STX8: variants seen among roughly 807,000 people sequenced by gnomAD.
STX8 encodes the protein syntaxin 8.
In STX8, 23 loss-of-function variants were observed where a neutral mutation model predicts 37.5. The observed-to-expected ratio is 0.61, with a 90% CI of 0.44 to 0.87. The LOEUF (loss-of-function observed/expected upper bound fraction) is 0.87, where lower values mean the gene tolerates loss of function less well. Among genes scored for constraint, STX8 ranks in the 40% least tolerant of loss-of-function variants. STX8 has a pLI of 0.00. For synonymous variants in STX8, 115 were observed against 99.1 expected (o/e 1.16, Z -0.95); for missense variants, 313 against 284.7 (o/e 1.10, Z -0.71).
intron 6 of STX8, among the ~76,000 whole-genome samples, chr17:9,456,140 T>C (rs1905180061): frequency 4.6e-5 from 7 of 151,194 alleles, no homozygotes; most frequent in South Asian, 4.2e-4. Context: ...ACTAGATGGG[T>C]AGGGGCTGGG....
chr17:9,569,584 C>G (rs1907600263), intron 1 of STX8: 1 of 152,300 alleles, frequency 6.6e-6, no homozygotes, highest in Admixed American at 6.5e-5. Context: ...TTGAAGGGTT[C>G]ACGGTGAACT....
intron 6 of STX8, among the ~76,000 whole-genome samples, chr17:9,484,675 A>AAAAG (rs1381162372): frequency 6.6e-6 from 1 of 150,604 alleles, no homozygotes; most frequent in African/African-American, 2.4e-5. Flanking sequence ...AAAAAAAAAA[A>AAAAG]AATTAGCCGG....
At chr17:9,281,093 C>T (rs1452880324) in intron 7 of STX8, among the ~76,000 whole-genome samples, 4 of 152,012 alleles carry the variant, frequency 2.6e-5, no homozygotes, top group East Asian at 1.9e-4. Flanking sequence ...GGTTCACAGA[C>T]GCAAATCTGC....
chr17:9,360,664 A>AT, intron 7 of STX8, among the ~76,000 whole-genome samples: 1 of 43,592 alleles, frequency 2.3e-5, no homozygotes, highest in Non-Finnish European at 4.9e-5. Flanking sequence ...TATTAGTGTT[A>AT]AAAAAAAAAA....
At chr17:9,302,639 T>G (rs932918607) in intron 7 of STX8, among the ~76,000 whole-genome samples, 4 of 152,136 alleles carry the variant, frequency 2.6e-5, no homozygotes, top group Non-Finnish European at 5.9e-5. Context: ...TTTCCGCTTC[T>G]GAAGTGTAGC....
chr17:9,476,705 G>A (rs1329340515), intron 6 of STX8, among the ~76,000 whole-genome samples: 6 of 151,596 alleles, frequency 4.0e-5, no homozygotes, highest in Non-Finnish European at 7.4e-5. Context: ...CGCCTGCCTC[G>A]GCCTCCCAAA....
At chr17:9,368,158 A>C (rs1911288943) in intron 7 of STX8, among the ~76,000 whole-genome samples, 1 of 152,252 alleles carries the variant, frequency 6.6e-6, no homozygotes, top group Non-Finnish European at 1.5e-5. Flanking sequence ...CTTAACTTTT[A>C]AATTACAAAA....
At chr17:9,396,527 A>G (rs1029029051) in intron 6 of STX8, among the ~76,000 whole-genome samples, 5 of 152,088 alleles carry the variant, frequency 3.3e-5, no homozygotes, top group African/African-American at 9.7e-5. Context: ...CCTGGCCAAC[A>G]TGGTGAGACC....
At chr17:9,284,382 A>G (rs909283585) in intron 7 of STX8, among the ~76,000 whole-genome samples, 3 of 152,258 alleles carry the variant, frequency 2.0e-5, no homozygotes, top group African/African-American at 7.2e-5. Context: ...GGTTAGGTTT[A>G]ACTCTGATCG....
intron 7 of STX8, among the ~76,000 whole-genome samples, chr17:9,358,771 G>C (rs565779854): frequency 6.6e-6 from 1 of 152,296 alleles, no homozygotes; most frequent in African/African-American, 2.4e-5. Context: ...AGAGAGGACA[G>C]TAATTAAGGG....
chr17:9,440,783 C>T (rs1270547208), intron 6 of STX8, among the ~76,000 whole-genome samples: 1 of 152,142 alleles, frequency 6.6e-6, no homozygotes, highest in Non-Finnish European at 1.5e-5. Flanking sequence ...CCTCGGCCTC[C>T]CAAAGTGCTG....
chr17:9,266,030 T>C (rs1050280709), intron 7 of STX8, among the ~76,000 whole-genome samples: 6 of 152,086 alleles, frequency 3.9e-5, no homozygotes, highest in Non-Finnish European at 8.8e-5. Context: ...CCAGACATCC[T>C]AGAGTGGGAT....
intron 6 of STX8, 80 bp from the exon 7 acceptor site, chr17:9,378,733 C>G (rs1597634501): frequency 1.8e-6 from 2 of 1,085,620 alleles, no homozygotes; most frequent in Non-Finnish European, 1.4e-6. Context: ...GTTGTTCATC[C>G]TAGCAATAAT....
intron 2 of STX8, among the ~76,000 whole-genome samples, chr17:9,562,853 T>C (rs1287209337): frequency 6.7e-6 from 1 of 149,978 alleles, no homozygotes; most frequent in Non-Finnish European, 1.5e-5. Flanking sequence ...CACATCAGGT[T>C]AAAAAAAAAA....
intron 4 of STX8, among the ~76,000 whole-genome samples, chr17:9,523,490 CT>C: frequency 6.6e-6 from 1 of 151,924 alleles, no homozygotes; most frequent in East Asian, 1.9e-4. Flanking sequence ...AGAGCCATGC[CT>C]TTTTGACACC....
chr17:9,559,755 TATA>T (rs1907139032), intron 2 of STX8, among the ~76,000 whole-genome samples: 6 of 57,372 alleles, frequency 1.0e-4, no homozygotes, highest in Admixed American at 2.4e-4. Flanking sequence ...TATATATATA[TATA>T]TATTTTTTTT....
At chr17:9,549,627 A>G (rs1906683278) in intron 3 of STX8, among the ~76,000 whole-genome samples, 1 of 152,224 alleles carries the variant, frequency 6.6e-6, no homozygotes, top group Admixed American at 6.5e-5. Context: ...GAATATTCCC[A>G]GAGACTCTGT....
At chr17:9,385,558 A>C (rs1045714692) in intron 6 of STX8, among the ~76,000 whole-genome samples, 7 of 152,206 alleles carry the variant, frequency 4.6e-5, no homozygotes, top group African/African-American at 1.7e-4. Context: ...CACATGAAAA[A>C]CAGCTCAAAT....
chr17:9,499,504 T>C (rs914138926), intron 5 of STX8, among the ~76,000 whole-genome samples: 3 of 152,144 alleles, frequency 2.0e-5, no homozygotes, highest in Non-Finnish European at 2.9e-5. Flanking sequence ...GTTCAAGCCA[T>C]TCTCCTGCCT....
Sources: allele counts gnomAD v4.1 joint callset (sites outside exome capture counted in the v4.1 genomes callset), GRCh38; gene constraint gnomAD v4.1.1; transcripts MANE v1.5; gene names NCBI Gene and HGNC (gene_info 2026-07-23, HGNC 2026-07-21).